UGT1A4: variants seen among roughly 807,000 people sequenced by gnomAD.
The protein encoded by UGT1A4 is UDP-glucuronosyltransferase 1A4.
Under a neutral mutation model 41.1 loss-of-function variants are expected in UGT1A4, and 32 were observed. The observed-to-expected ratio is 0.78, with a 90% CI of 0.59 to 1.05. The LOEUF (loss-of-function observed/expected upper bound fraction) is 1.05, where lower values mean the gene tolerates loss of function less well. Among genes scored for constraint, UGT1A4 ranks in the 50% least tolerant of loss-of-function variants. The pLI, the probability that UGT1A4 is intolerant of heterozygous loss-of-function variation, is 0.00. For synonymous variants in UGT1A4, 283 were observed against 265.1 expected (o/e 1.07, Z -0.66); for missense variants, 748 against 677.4 (o/e 1.10, Z -1.16).
intron 1 of UGT1A4, chr2:233,743,938 A>G (rs754327674): frequency 7.4e-7 from 1 of 1,356,050 alleles, no homozygotes; most frequent in African/African-American, 1.5e-5. Context: ...AGAACGGCCC[A>G]CCAGGCACTG....
At position 233,760,587 on chromosome 2, in the gene UGT1A4, T is replaced by C. The variant is rs374655757; in HGVS notation, c.868-6447T>C. ...TTGTTAGTCTCGGGCATAATGTTTT[T>C]GAGAATGATTCTTTCCTGCAGCGTG... On this transcript the variant is annotated intron_variant, in intron 1 of 4. Coordinates refer to ENST00000373409, the MANE Select transcript of UGT1A4 (RefSeq NM_007120.3). 5 of 1,614,120 alleles carry C rather than the reference T, an allele frequency of 3.1e-6. No homozygotes were observed. Among genetic ancestry groups the C allele is most frequent in the Non-Finnish European group, 4.2e-6 (5 of 1,180,056 alleles).
intron 1 of UGT1A4, among the ~76,000 whole-genome samples, chr2:233,724,860 T>G (rs1312826202): frequency 3.2e-5 from 4 of 126,790 alleles, no homozygotes; most frequent in Non-Finnish European, 6.4e-5. Flanking sequence ...CTGGGAGGTG[T>G]AGGTTGTAGT....
chr2:233,733,522 T>C (rs2078409587), intron 1 of UGT1A4, among the ~76,000 whole-genome samples: 1 of 152,228 alleles, frequency 6.6e-6, no homozygotes, highest in Non-Finnish European at 1.5e-5. Flanking sequence ...CATGAAGGGA[T>C]GTTTAATTTT....
chr2:233,745,345 T>C (rs1184068068), intron 1 of UGT1A4, among the ~76,000 whole-genome samples: 1 of 151,834 alleles, frequency 6.6e-6, no homozygotes, highest in Non-Finnish European at 1.5e-5. Flanking sequence ...ACCATGAATT[T>C]TGGGGGAATT....
chr2:233,734,795 T>G (rs1470883191), intron 1 of UGT1A4, among the ~76,000 whole-genome samples: 1 of 152,214 alleles, frequency 6.6e-6, no homozygotes, highest in Non-Finnish European at 1.5e-5. Context: ...CAGGAGCAGG[T>G]TGTTCAGTTT....
chr2:233,720,402 G>T (rs569897948), intron 1 of UGT1A4, among the ~76,000 whole-genome samples: 13 of 152,218 alleles, frequency 8.5e-5, no homozygotes, highest in African/African-American at 3.1e-4. Context: ...TCAAGAGTGG[G>T]TGGAAGGGAC....
chr2:233,754,994 G>A, intron 1 of UGT1A4: 2 of 1,293,996 alleles, frequency 1.5e-6, no homozygotes. Flanking sequence ...GGTCACGGAA[G>A]CTGAAGACCT....
intron 1 of UGT1A4, chr2:233,729,153 G>T: frequency 6.2e-7 from 1 of 1,613,546 alleles, no homozygotes; most frequent in African/African-American, 1.3e-5. Context: ...AGGTTCCCCT[G>T]CCGTGGCTGG....
At chr2:233,764,754 C>T (rs955406982) in intron 1 of UGT1A4, among the ~76,000 whole-genome samples, 3 of 152,116 alleles carry the variant, frequency 2.0e-5, no homozygotes, top group African/African-American at 7.2e-5. Context: ...GTGGTGCAGA[C>T]CCTAGGGAGG....
intron 1 of UGT1A4, chr2:233,728,975 A>G: frequency 6.7e-7 from 1 of 1,489,458 alleles, no homozygotes; most frequent in Non-Finnish European, 9.0e-7. Context: ...TGATAGATTA[A>G]TGGTTAATAA....
rs886043066 is a variant in UGT1A4 at position 233,768,310 on chromosome 2, C to T, written c.1178C>T (p.Pro393Leu). 74 of 1,613,942 alleles carry T rather than the reference C, an allele frequency of 4.6e-5. No homozygotes were observed. Among genetic ancestry groups the T allele is most frequent in the Non-Finnish European group, 6.2e-5 (73 of 1,180,026 alleles). The change falls in exon 4 of 5, where the codon CCC becomes CTC. Residue 393 changes from proline to leucine, a missense_variant. Pro to Leu is a moderately conservative substitution (Grantham distance 98). Coordinates refer to ENST00000373409, the MANE Select transcript of UGT1A4 (RefSeq NM_007120.3). ...ICNGVPMVMM[P>L]LFGDQMDNAK... Reference sequence around the variant, plus strand: ...AATGGCGTTCCCATGGTGATGATGCCCTTGTTTGGTGATCAGATGGACAAT... The same window carrying T: ...AATGGCGTTCCCATGGTGATGATGCTCTTGTTTGGTGATCAGATGGACAAT...
intron 1 of UGT1A4, 114 bp from the exon 2 acceptor site, chr2:233,766,920 A>C (rs1699278586): frequency 8.4e-6 from 13 of 1,554,452 alleles, no homozygotes. Context: ...TATCTCAAAC[A>C]CGCATGCCTT....
intron 1 of UGT1A4, chr2:233,747,720 G>C: frequency 6.2e-7 from 1 of 1,613,342 alleles, no homozygotes; most frequent in African/African-American, 1.3e-5. Flanking sequence ...AATTCCTGCT[G>C]TGTTTTTTTT....
At chr2:233,767,649 T>C (rs965947156) in intron 2 of UGT1A4, among the ~76,000 whole-genome samples, 200 bp from the exon 3 acceptor site, 2 of 152,184 alleles carry the variant, frequency 1.3e-5, no homozygotes, top group African/African-American at 4.8e-5. Context: ...ATTCACGTAG[T>C]GCATACACCC....
chr2:233,755,826 A>T (rs1696033574), intron 1 of UGT1A4: 1 of 152,260 alleles, frequency 6.6e-6, no homozygotes, highest in Admixed American at 6.5e-5. Context: ...AAAAAGACAT[A>T]TTCATTGGGC....
intron 1 of UGT1A4, among the ~76,000 whole-genome samples, chr2:233,753,898 C>T (rs1695337682): frequency 6.6e-6 from 1 of 152,234 alleles, no homozygotes; most frequent in Non-Finnish European, 1.5e-5. Context: ...AAGGAACATG[C>T]TTCTTACACC....
At chr2:233,757,996 G>A (rs1283053309) in intron 1 of UGT1A4, among the ~76,000 whole-genome samples, 1 of 152,032 alleles carries the variant, frequency 6.6e-6, no homozygotes, top group East Asian at 1.9e-4. Flanking sequence ...CCCTGTAATT[G>A]CCTGGTCATG....
At chr2:233,757,560 A>ATATATATATATATATATATATATATATG (rs904896556) in intron 1 of UGT1A4, among the ~76,000 whole-genome samples, 8 of 123,138 alleles carry the variant, frequency 6.5e-5, no homozygotes, top group African/African-American at 2.4e-4. Flanking sequence ...ATATATATAT[A>ATATATATATATATATATATATATATATG]TGTATATATG....
intron 1 of UGT1A4, among the ~76,000 whole-genome samples, chr2:233,742,171 A>G (rs758194375): frequency 2.0e-5 from 3 of 151,946 alleles, no homozygotes; most frequent in Non-Finnish European, 2.9e-5. Context: ...CACACACAGA[A>G]ATATAGAGTG....
Sources: gnomAD v4.1 joint callset for allele counts (sites outside exome capture counted in the v4.1 genomes callset) on GRCh38, gnomAD v4.1.1 for gene constraint, MANE v1.5 for transcripts, NCBI Gene and HGNC (gene_info 2026-07-23, HGNC 2026-07-21) for gene names.